Variants in ZNF566 observed in about 807,000 individuals in gnomAD.
The protein encoded by ZNF566 is zinc finger protein 566.
Under a neutral mutation model 32.8 loss-of-function variants are expected in ZNF566, and 27 were observed. That is an observed-to-expected ratio of 0.82 (90% CI 0.61 to 1.14). ZNF566 has a LOEUF of 1.14. Ranked by LOEUF, ZNF566 falls within the 50% of genes most tolerant of loss-of-function variation. ZNF566 has a pLI of 0.00. For synonymous variants in ZNF566, 154 were observed against 159.5 expected, an observed-to-expected ratio of 0.97 and a Z score of 0.26; for missense variants, 402 against 490.4, an observed-to-expected ratio of 0.82 and a Z score of 1.70.
intron 4 of ZNF566, among the ~76,000 whole-genome samples, chr19:36,469,959 G>C (rs1485925666): frequency 6.6e-6 from 1 of 152,038 alleles, no homozygotes; most frequent in Non-Finnish European, 1.5e-5. Flanking sequence ...AATGCATGTA[G>C]AAACTATTAC....
chr19:36,449,951 A>G lies in ZNF566; in HGVS notation c.283T>C (p.Tyr95His). The G allele has an allele frequency of 6.2e-7, 1 of 1,611,612 alleles. No homozygotes were observed. The highest frequency in any genetic ancestry group is 8.5e-7 in the Non-Finnish European group (1 of 1,179,410). The change falls in exon 5 of 5, where the codon TAT becomes CAT. Residue 95 changes from tyrosine to histidine, a missense_variant. Coordinates refer to ENST00000452939, the MANE Select transcript of ZNF566 (RefSeq NM_001145344.1). ...TKKLFLKKEIYEIESTQWEIM... is the reference protein window; with the variant it reads ...TKKLFLKKEIHEIESTQWEIM... ...TCCCACTGGGTTGATTCTATTTCATAAATTTCTTTCTTCAGAAATAATTTC... is the reference window on the plus strand; with the variant it reads ...TCCCACTGGGTTGATTCTATTTCATGAATTTCTTTCTTCAGAAATAATTTC...
chr19:36,474,965 G>A (rs1288346007), intron 2 of ZNF566, among the ~76,000 whole-genome samples: 3 of 152,142 alleles, frequency 2.0e-5, no homozygotes, highest in Admixed American at 1.3e-4. Flanking sequence ...ACCACCTACT[G>A]CCCAGCTGTA....
intron 4 of ZNF566, among the ~76,000 whole-genome samples, chr19:36,458,235 A>G (rs572924226): frequency 7.1e-6 from 1 of 141,636 alleles, no homozygotes; most frequent in South Asian, 2.4e-4. Context: ...GTGGGCATAT[A>G]TATGTATACA....
chr19:36,454,886 T>A (rs952968998), intron 4 of ZNF566, among the ~76,000 whole-genome samples: 2 of 152,184 alleles, frequency 1.3e-5, no homozygotes, highest in African/African-American at 4.8e-5. Context: ...TTTATGAGGA[T>A]AGTATTACCC....
chr19:36,457,844 T>C (rs2033355539), intron 4 of ZNF566, among the ~76,000 whole-genome samples: 1 of 152,144 alleles, frequency 6.6e-6, no homozygotes, highest in African/African-American at 2.4e-5. Flanking sequence ...TGAGCTGAGA[T>C]TGCACCACTG....
intron 1 of ZNF566, among the ~76,000 whole-genome samples, chr19:36,484,153 C>T (rs1012255849): frequency 3.3e-5 from 5 of 152,216 alleles, no homozygotes; most frequent in Admixed American, 6.5e-5. Flanking sequence ...AGATTACAGG[C>T]GCCAGCCTCT....
intron 1 of ZNF566, among the ~76,000 whole-genome samples, chr19:36,477,555 T>TTTTTTTTTTTTG (rs2033925754): frequency 7.3e-6 from 1 of 136,716 alleles, no homozygotes; most frequent in Non-Finnish European, 1.6e-5. Flanking sequence ...GTTTGTTTTT[T>TTTTTTTTTTTTG]TGAGACGGAG....
intron 4 of ZNF566, among the ~76,000 whole-genome samples, chr19:36,451,381 C>T (rs1211531123): frequency 6.6e-6 from 1 of 152,032 alleles, no homozygotes; most frequent in Non-Finnish European, 1.5e-5. Context: ...TAGTGTTTGT[C>T]GTGTAATTCT....
At chr19:36,464,446 C>A (rs886116868) in intron 4 of ZNF566, among the ~76,000 whole-genome samples, 1 of 152,108 alleles carries the variant, frequency 6.6e-6, no homozygotes, top group African/African-American at 2.4e-5. Context: ...CATGAGCTAC[C>A]ACACCCAGCC....
chr19:36,473,383 C>T lies in ZNF566; in HGVS notation c.85G>A (p.Asp29Asn), dbSNP rs758226333. 1.2e-6 allele frequency: 2 copies of T among 1,613,942 alleles called. No homozygotes were observed. The highest frequency in any genetic ancestry group is 4.5e-5 in the East Asian group (2 of 44,870). ...EWECLNDDQR[D>N]LYRDVMLENY... ...TCCAACATCACATCTCTGTATAAAT[C>T]TCTCTGATCATCATTCAGGCATTCC... Residue 29 changes from aspartate (D) to asparagine (N), a missense_variant, in exon 3 of 5, where the codon GAT becomes AAT. Physicochemically the swap from Asp to Asn is conservative, Grantham distance 23. Transcript: ENST00000452939.
intron 4 of ZNF566, among the ~76,000 whole-genome samples, chr19:36,464,250 T>C (rs2033556496): frequency 6.6e-6 from 1 of 152,104 alleles, no homozygotes; most frequent in Non-Finnish European, 1.5e-5. Context: ...AATGCATATA[T>C]GAAATCTGAA....
chr19:36,462,984 A>AAAAAAT (rs2033513179), intron 4 of ZNF566, among the ~76,000 whole-genome samples: 1 of 148,852 alleles, frequency 6.7e-6, no homozygotes, highest in Non-Finnish European at 1.5e-5. Flanking sequence ...AAAAAAAAAA[A>AAAAAAT]AAAAAATCCC....
In ZNF566 at chr19:36,448,860, G is replaced by A. The variant is rs1254800489; in HGVS notation, c.*117C>T. On this transcript the variant is annotated 3_prime_UTR_variant, in exon 5 of 5. Transcript: ENST00000452939. ...TTATTTTTCCCAGGCTGAATAAGCTGTAGTCCACAAATAAAATGTTTCTAC... is the reference window on the plus strand; with the variant it reads ...TTATTTTTCCCAGGCTGAATAAGCTATAGTCCACAAATAAAATGTTTCTAC... 4.6e-6 allele frequency: 4 copies of A among 861,372 alleles called. No individual in the cohort carries two copies. The highest frequency in any genetic ancestry group is 2.2e-5 in the South Asian group (1 of 46,278). The allele number at this position is 861,372 out of a possible 1,614,324, so 53.4% of individuals were successfully genotyped here.
At chr19:36,487,409 T>A (rs2034194216) in intron 1 of ZNF566, among the ~76,000 whole-genome samples, 1 of 152,212 alleles carries the variant, frequency 6.6e-6, no homozygotes, top group South Asian at 2.1e-4. Flanking sequence ...CAGCATCATT[T>A]GTAACAGCCC....
chr19:36,462,333 T>C (rs187757489), intron 4 of ZNF566, among the ~76,000 whole-genome samples: 145 of 152,194 alleles, frequency 9.5e-4, no homozygotes, highest in African/African-American at 3.5e-3. Context: ...TTTTTTGAAC[T>C]TGTTCCTTTC....
Position 36,448,132 on chromosome 19 carries a change from T to C in ZNF566, c.*845A>G, listed in dbSNP as rs2033042480. On this transcript the variant is annotated 3_prime_UTR_variant, in exon 5 of 5. Coordinates refer to ENST00000452939, the MANE Select transcript of ZNF566 (RefSeq NM_001145344.1). Reference sequence around the variant, plus strand: ...TGATCAGCAATAAATAATGAACTGATAAAGACTATCCTTTGGGATATGGTC... The same window carrying C: ...TGATCAGCAATAAATAATGAACTGACAAAGACTATCCTTTGGGATATGGTC... 2 of 152,174 alleles carry C rather than the reference T, an allele frequency of 1.3e-5. No homozygotes were observed. Among genetic ancestry groups the C allele is most frequent in the Non-Finnish European group, 2.9e-5 (2 of 68,004 alleles). 9.4% of individuals were successfully genotyped at this position (152,174 alleles called of 1,614,324 possible).
At chr19:36,450,133 T>A in intron 4 of ZNF566, 132 bp from the exon 5 acceptor site, 1 of 713,344 alleles carries the variant, frequency 1.4e-6, no homozygotes, top group Non-Finnish European at 2.3e-6. Flanking sequence ...AGAAGACAGG[T>A]TACATAATAA....
At chr19:36,470,825 G>A (rs537362566) in intron 4 of ZNF566, among the ~76,000 whole-genome samples, 69 of 152,034 alleles carry the variant, frequency 4.5e-4, no homozygotes, top group African/African-American at 1.4e-3. Context: ...CACGAGAATC[G>A]CTTGAACCCA....
At chr19:36,478,464 G>A (rs1344508965) in intron 1 of ZNF566, among the ~76,000 whole-genome samples, 1 of 152,002 alleles carries the variant, frequency 6.6e-6, no homozygotes, top group African/African-American at 2.4e-5. Flanking sequence ...CTTCCAAGCA[G>A]GATGGCATGA....
Sources: allele counts gnomAD v4.1 joint callset (sites outside exome capture counted in the v4.1 genomes callset), GRCh38; gene constraint gnomAD v4.1.1; transcripts MANE v1.5; gene names NCBI Gene and HGNC (gene_info 2026-07-23, HGNC 2026-07-21).